LIPA: variants seen among roughly 807,000 people sequenced by gnomAD.
LIPA encodes lysosomal acid lipase/cholesteryl ester hydrolase.
In LIPA, 26 loss-of-function variants were observed where a neutral mutation model predicts 40.6. The ratio of observed to expected loss-of-function variants is 0.64; its 90% CI spans 0.47 to 0.89. The LOEUF is 0.89. LIPA is among the 40% of genes least tolerant of loss of function. LIPA has a pLI of 0.00. For missense variants in LIPA, 455 were observed against 479.6 expected, an observed-to-expected ratio of 0.95 and a Z score of 0.48; for synonymous variants, 188 against 168.4, an observed-to-expected ratio of 1.12 and a Z score of -0.90.
At chr10:89,407,656 C>T (rs916439746) in intron 2 of LIPA, among the ~76,000 whole-genome samples, 5 of 152,192 alleles carry the variant, frequency 3.3e-5, no homozygotes, top group African/African-American at 1.2e-4. Flanking sequence ...GTATGGCCCT[C>T]TACTTCATTT....
chr10:89,333,630 CT>C (rs1409020380), intron 1 of LIPA, among the ~76,000 whole-genome samples: 26 of 152,208 alleles, frequency 1.7e-4, no homozygotes, highest in African/African-American at 6.3e-4. Flanking sequence ...AGCCCAGGGG[CT>C]CCAGACCAGA....
chr10:89,249,424 G>C (rs142443390), intron 1 of LIPA, among the ~76,000 whole-genome samples: 159 of 152,248 alleles, frequency 1.0e-3, no homozygotes, highest in African/African-American at 3.5e-3. Flanking sequence ...AAAAGATGCA[G>C]GCATGTATGC....
chr10:89,376,555 A>G (rs914346760), intron 2 of LIPA, among the ~76,000 whole-genome samples: 18 of 152,230 alleles, frequency 1.2e-4, no homozygotes, highest in Non-Finnish European at 2.1e-4. Flanking sequence ...GCTGCCCCAG[A>G]CATCTGAGAG....
chr10:89,382,574 C>G (rs1302305081), intron 2 of LIPA, among the ~76,000 whole-genome samples: 1 of 152,232 alleles, frequency 6.6e-6, no homozygotes, highest in East Asian at 1.9e-4. Flanking sequence ...TTCAGGGTTA[C>G]TTGATGTCAG....
At chr10:89,302,687 C>A (rs1843452951) in intron 1 of LIPA, among the ~76,000 whole-genome samples, 1 of 152,114 alleles carries the variant, frequency 6.6e-6, no homozygotes, top group Non-Finnish European at 1.5e-5. Flanking sequence ...CAAAATGCCT[C>A]CTGAGTATGA....
At chr10:89,371,979 C>A (rs1410944578) in intron 2 of LIPA, among the ~76,000 whole-genome samples, 2 of 152,168 alleles carry the variant, frequency 1.3e-5, no homozygotes, top group African/African-American at 4.8e-5. Flanking sequence ...TGCATGTTCT[C>A]ACTCACCAGT....
At chr10:89,289,698 T>C (rs191008167) in intron 1 of LIPA, among the ~76,000 whole-genome samples, 1 of 152,252 alleles carries the variant, frequency 6.6e-6, no homozygotes, top group East Asian at 1.9e-4. Context: ...GCGCCTGGTT[T>C]TACCTCAAAC....
chr10:89,313,198 CTG>C (rs1843524750), intron 1 of LIPA, among the ~76,000 whole-genome samples: 2 of 152,162 alleles, frequency 1.3e-5, no homozygotes, highest in Non-Finnish European at 2.9e-5. Context: ...GCCTGAGACT[CTG>C]TATTTCTCAC....
upstream of LIPA, among the ~76,000 whole-genome samples, chr10:89,254,778 C>T (rs1304617735): frequency 6.6e-6 from 1 of 152,148 alleles, no homozygotes; most frequent in Non-Finnish European, 1.5e-5. Context: ...CAATGTTTTA[C>T]TGCTTAGAAA....
chr10:89,257,818 A>AAG (rs1328611857), intron 1 of LIPA, among the ~76,000 whole-genome samples: 1 of 152,114 alleles, frequency 6.6e-6, no homozygotes, highest in African/African-American at 2.4e-5. Context: ...GAGAGAGCTG[A>AAG]AGAGAGAGAG....
chr10:89,353,090 G>A (rs185526855), intron 2 of LIPA, among the ~76,000 whole-genome samples: 1 of 152,280 alleles, frequency 6.6e-6, no homozygotes, highest in Admixed American at 6.5e-5. Context: ...GCAGGAGAGG[G>A]CCTCCTCTCC....
intron 2 of LIPA, among the ~76,000 whole-genome samples, chr10:89,408,471 A>G (rs1464204644): frequency 2.0e-5 from 3 of 152,140 alleles, no homozygotes; most frequent in Non-Finnish European, 4.4e-5. Context: ...CCTATTAATG[A>G]TAAGCCTCCT....
At chr10:89,409,634 G>A (rs751454313) in intron 2 of LIPA, among the ~76,000 whole-genome samples, 29 of 152,150 alleles carry the variant, frequency 1.9e-4, no homozygotes, top group Non-Finnish European at 3.8e-4. Flanking sequence ...TGAGGGGCAG[G>A]AAATTGACTT....
intron 1 of LIPA, among the ~76,000 whole-genome samples, chr10:89,266,497 TG>T (rs1294071968): frequency 6.6e-6 from 1 of 152,222 alleles, no homozygotes; most frequent in Non-Finnish European, 1.5e-5. Flanking sequence ...CTTCGGGCTA[TG>T]TGTATAAGGT....
At chr10:89,414,480 CTCCGCAAACG>C in exon 1 of LIPA, 1 of 352,860 alleles carries the variant, frequency 2.8e-6, no homozygotes, top group Non-Finnish European at 5.1e-6. Flanking sequence ...AGACCCTGGA[CTCCGCAAACG>C]TCTGGCCGCG....
At chr10:89,223,569 G>T (rs1395537032) in intron 7 of LIPA, 115 bp downstream of exon 7, 8 of 911,802 alleles carry the variant, frequency 8.8e-6, no homozygotes, top group African/African-American at 1.7e-5. Context: ...CCTCTCAAAT[G>T]AAAGACTCTT....
intron 1 of LIPA, among the ~76,000 whole-genome samples, chr10:89,293,056 C>A (rs1220270258): frequency 6.6e-6 from 1 of 152,082 alleles, no homozygotes; most frequent in Admixed American, 6.5e-5. Flanking sequence ...TCCCCATAAT[C>A]CTCATGTGTC....
At chr10:89,399,827 AATC>A in intron 2 of LIPA, among the ~76,000 whole-genome samples, 1 of 152,190 alleles carries the variant, frequency 6.6e-6, no homozygotes, top group East Asian at 1.9e-4. Flanking sequence ...GTGAGGCCTT[AATC>A]CAACAGAGCT....
intron 1 of LIPA, among the ~76,000 whole-genome samples, chr10:89,304,453 A>T (rs1475323094): frequency 6.6e-6 from 1 of 152,202 alleles, no homozygotes; most frequent in African/African-American, 2.4e-5. Context: ...AGTTAGAAAG[A>T]GGGGTCACAT....
Sources: gnomAD v4.1 joint callset for allele counts (sites outside exome capture counted in the v4.1 genomes callset) on GRCh38, gnomAD v4.1.1 for gene constraint, MANE v1.5 for transcripts, NCBI Gene and HGNC (gene_info 2026-07-23, HGNC 2026-07-21) for gene names.